Variants in EEF1E1 observed in about 807,000 individuals in gnomAD.
EEF1E1 encodes eukaryotic translation elongation factor 1 epsilon-1.
EEF1E1 carries 19 observed loss-of-function variants against 19.9 expected under a neutral mutation model. The observed-to-expected ratio is 0.95, with a 90% CI of 0.66 to 1.40. The LOEUF (loss-of-function observed/expected upper bound fraction) is 1.40. EEF1E1 is among the 40% of genes most tolerant of loss of function. The pLI is 0.00. For synonymous variants in EEF1E1, 81 were observed against 80.0 expected (o/e 1.01, Z -0.07); for missense variants, 198 against 202.2 (o/e 0.98, Z 0.13).
intron 3 of EEF1E1, among the ~76,000 whole-genome samples, chr6:8,086,523 C>T (rs536540128): frequency 7.2e-5 from 11 of 152,234 alleles, no homozygotes; most frequent in Non-Finnish European, 1.3e-4. Flanking sequence ...TTGGGGCCTG[C>T]GCAGACCTCA....
intron 1 of EEF1E1, 110 bp downstream of exon 1, chr6:8,102,325 A>G: frequency 2.7e-6 from 3 of 1,124,556 alleles, no homozygotes; most frequent in Non-Finnish European, 3.7e-6. Flanking sequence ...GGAGCTGGGT[A>G]GCAGCATCCT....
rs771368196 is a variant in EEF1E1 at position 8,102,492 on chromosome 6, C to T, written c.30G>A (p.Leu10=). Residue 10 remains leucine, a synonymous_variant, in exon 1 of 4, where the codon CTG becomes CTA. Coordinates refer to ENST00000379715, the MANE Select transcript of EEF1E1 (RefSeq NM_004280.5). ...CCTTACTCAGTCCCAGGGACTTCTC[C>T]AGTAGCGACAACTCTGCGGCCGCCG... MAAAAELSL[L]EKSLGLSKGN... The T allele has an allele frequency of 1.2e-6, 2 of 1,612,116 alleles. No homozygotes were observed. Among genetic ancestry groups the T allele is most frequent in the Non-Finnish European group, 1.7e-6 (2 of 1,179,982 alleles).
At chr6:8,078,564 C>A (rs1246784272), downstream of EEF1E1, 18 of 938,784 alleles carry the variant, frequency 1.9e-5, no homozygotes, top group Middle Eastern at 4.5e-4. Flanking sequence ...AATAGTCTCG[C>A]TCGAAGCAGG....
chr6:8,091,576 G>A (rs1454676765), intron 2 of EEF1E1, among the ~76,000 whole-genome samples: 3 of 152,108 alleles, frequency 2.0e-5, no homozygotes, highest in African/African-American at 7.2e-5. Context: ...TTTGTTAGAG[G>A]TATTTTCTGG....
Position 8,102,476 on chromosome 6 carries a change from G to T in EEF1E1, c.46C>A (p.Leu16Met). 1 of 1,612,422 alleles carries T rather than the reference G, an allele frequency of 6.2e-7. No homozygotes were observed. The highest frequency in any genetic ancestry group is 8.5e-7 in the Non-Finnish European group (1 of 1,179,964). Residue 16 changes from leucine (L) to methionine (M), a missense_variant, in exon 1 of 4, where the codon CTG (leucine) becomes ATG (methionine). Leu to Met is a conservative substitution (Grantham distance 15). Transcript: ENST00000379715. The part of the protein sequence containing the change: ...ELSLLEKSLG[L>M]SKGNKYSAQG... ...GCACTGTATTTATTCCCCTTACTCA[G>T]TCCCAGGGACTTCTCCAGTAGCGAC...
rs1216617377 is a variant in EEF1E1 at position 8,101,243 on chromosome 6, AATAT to A, written c.87+1188_87+1191del. Among the ~76,000 whole-genome samples, 133 of 58,298 alleles carry A rather than the reference AATAT, an allele frequency of 2.3e-3. 1 individual carries two copies. Among genetic ancestry groups the A allele is most frequent in the East Asian group, 4.3e-3 (8 of 1,862 alleles). The allele number at this position is 58,298 out of a possible 152,430, so 38.2% of individuals were successfully genotyped here. On this transcript the variant is annotated intron_variant, in intron 1 of 3. Transcript: ENST00000379715. ...TTTGTCTCAAAAAAAAAAAAAAAAA[AATAT>A]ATATATATATATATATATATATATA...
chr6:8,098,797 T>C (rs1278125757), intron 1 of EEF1E1, among the ~76,000 whole-genome samples: 1 of 152,174 alleles, frequency 6.6e-6, no homozygotes. Flanking sequence ...GAATGTATGG[T>C]ATATTTTGAG....
chr6:8,091,961 C>T (rs2113655209), intron 2 of EEF1E1, among the ~76,000 whole-genome samples: 1 of 152,328 alleles, frequency 6.6e-6, no homozygotes, highest in East Asian at 1.9e-4. Flanking sequence ...ATTTATTCCT[C>T]ACAGTTCTGG....
downstream of EEF1E1, chr6:8,078,387 TG>T (rs1472989434): frequency 5.7e-6 from 1 of 176,516 alleles, no homozygotes; most frequent in African/African-American, 2.4e-5. Flanking sequence ...AAGTCTTATA[TG>T]GGCATGGCTT....
At chr6:8,078,036 C>CA (rs568794921), downstream of EEF1E1, among the ~76,000 whole-genome samples, 272 of 152,306 alleles carry the variant, frequency 1.8e-3, 3 homozygotes, top group African/African-American at 6.3e-3. Flanking sequence ...CTCCACATCT[C>CA]AAAGTGCTGG....
At chr6:8,083,863 C>A (rs1302000325) in intron 3 of EEF1E1, among the ~76,000 whole-genome samples, 1 of 152,178 alleles carries the variant, frequency 6.6e-6, no homozygotes, top group Non-Finnish European at 1.5e-5. Flanking sequence ...CACACCCACC[C>A]TACCTTAACA....
At chr6:8,074,371 T>C (rs2113627119) in intron 3 of EEF1E1, among the ~76,000 whole-genome samples, 2 of 152,286 alleles carry the variant, frequency 1.3e-5, no homozygotes, top group Admixed American at 1.3e-4. Context: ...TGTACTGAGC[T>C]CAGTCAGCTC....
chr6:8,081,352 A>C (rs1233198115), intron 3 of EEF1E1, among the ~76,000 whole-genome samples: 1 of 152,240 alleles, frequency 6.6e-6, no homozygotes, highest in Non-Finnish European at 1.5e-5. Flanking sequence ...TGGCACAGAG[A>C]TAAATAACAC....
In EEF1E1 at chr6:8,099,789, CACAA is replaced by C. The variant is rs1318535247; in HGVS notation, c.88-2326_88-2323del. Reference sequence around the variant, plus strand: ...ACACACACACACACACACACACACACACAAAAAAAAAACAGAACCCTCTATAATG... The same window carrying C: ...ACACACACACACACACACACACACACAAAAAAAACAGAACCCTCTATAATG... On this transcript the variant is annotated intron_variant, in intron 1 of 3. Coordinates refer to ENST00000379715, the MANE Select transcript of EEF1E1 (RefSeq NM_004280.5). Among the ~76,000 whole-genome samples the C allele has an allele frequency of 5.1e-3, 458 of 89,560 alleles. 9 individuals carry two copies. The highest frequency in any genetic ancestry group is 6.6e-3 in the Non-Finnish European group (280 of 42,288). 58.8% of individuals were successfully genotyped at this position (89,560 alleles called of 152,430 possible).
Position 8,097,386 on chromosome 6 carries a change from T to C in EEF1E1, c.169A>G (p.Lys57Glu). 1 of 1,614,206 alleles carries C rather than the reference T, an allele frequency of 6.2e-7. No individual in the cohort carries two copies. The highest frequency in any genetic ancestry group is 8.5e-7 in the Non-Finnish European group (1 of 1,180,034). The change falls in exon 2 of 4, where the codon AAA becomes GAA. Residue 57 changes from lysine to glutamate, a missense_variant. Transcript: ENST00000379715. ...GCAGTACTCCCCAGCAAATATTCTT[T>C]GTTGGCTTGCTTGACTAGATGAGCT... ...IAAHLVKQAN[K>E]EYLLGSTAEE...
chr6:8,102,046 C>T (rs1252608746), intron 1 of EEF1E1: 5 of 1,172,898 alleles, frequency 4.3e-6, no homozygotes, highest in East Asian at 1.3e-4. Context: ...TTAGCTATAA[C>T]GGAGTCGCTG....
intron 2 of EEF1E1, among the ~76,000 whole-genome samples, chr6:8,092,978 G>A (rs549344822): frequency 7.4e-5 from 11 of 148,040 alleles, no homozygotes; most frequent in African/African-American, 2.0e-4. Context: ...GGGTTCAAGC[G>A]ATTCTCCTGC....
downstream of EEF1E1, among the ~76,000 whole-genome samples, chr6:8,076,565 T>A (rs755213537): frequency 6.6e-5 from 10 of 151,764 alleles, no homozygotes; most frequent in African/African-American, 9.7e-5. Flanking sequence ...CCTCGTGATC[T>A]GCCCGCCTCG....
Position 8,102,428 on chromosome 6 carries a change from T to C in EEF1E1, c.87+7A>G, listed in dbSNP as rs1404019902. The C allele has an allele frequency of 1.1e-5, 18 of 1,609,662 alleles. No homozygotes were observed. The highest frequency in any genetic ancestry group is 1.5e-5 in the Non-Finnish European group (18 of 1,178,832). ...CTCTTCCCCTCCGCGCCGCCTCTCC[T>C]TCTCACCTGTCGCTCGCCCTGAGCA... On this transcript the variant is annotated splice_region_variant and intron_variant, in intron 1 of 3. Coordinates refer to ENST00000379715, the MANE Select transcript of EEF1E1 (RefSeq NM_004280.5).
Sources: gnomAD v4.1 joint callset for allele counts (sites outside exome capture counted in the v4.1 genomes callset) on GRCh38, gnomAD v4.1.1 for gene constraint, MANE v1.5 for transcripts, NCBI Gene and HGNC (gene_info 2026-07-23, HGNC 2026-07-21) for gene names.